The following C14orf93 variants were observed in gnomAD, a reference collection of about 807,000 sequenced individuals.
C14orf93 encodes chromosome 14 open reading frame 93.
C14orf93 carries 23 observed loss-of-function variants against 44.0 expected under a neutral mutation model. That is an observed-to-expected ratio of 0.52 (90% CI 0.38 to 0.74). The LOEUF (loss-of-function observed/expected upper bound fraction) is 0.74, where lower values mean the gene tolerates loss of function less well. C14orf93 is among the 30% of genes least tolerant of loss of function. The pLI is 0.00. For synonymous variants in C14orf93, 253 were observed against 265.7 expected (o/e 0.95, Z 0.46); for missense variants, 579 against 678.9 (o/e 0.85, Z 1.64).
intron 3 of C14orf93, among the ~76,000 whole-genome samples, chr14:22,990,560 C>G (rs2045543074): frequency 6.6e-6 from 1 of 151,484 alleles, no homozygotes; most frequent in African/African-American, 2.4e-5. Flanking sequence ...ACCTCTGCCT[C>G]CCGGGTTCAA....
chr14:22,995,679 CAAAAAAAAAA>C (rs58710730), intron 3 of C14orf93, among the ~76,000 whole-genome samples: 20 of 45,042 alleles, frequency 4.4e-4, no homozygotes, highest in Non-Finnish European at 8.0e-4. Context: ...GACTCTGACT[CAAAAAAAAAA>C]AAAAAAAAAA....
At chr14:23,000,173 T>C (rs887034403) in intron 1 of C14orf93, 1 of 152,118 alleles carries the variant, frequency 6.6e-6, no homozygotes, top group Admixed American at 6.6e-5. Flanking sequence ...TAAACCAAAC[T>C]GCCTTTCTTT....
Position 22,996,325 on chromosome 14 carries a change from A to G in C14orf93, c.598-57T>C. ...CAGCCAGGCTTAGGGGAACCTGGTTAACCATCATTCTTTGGCTAAGAATAG... is the reference window on the plus strand; with the variant it reads ...CAGCCAGGCTTAGGGGAACCTGGTTGACCATCATTCTTTGGCTAAGAATAG... On this transcript the variant is annotated intron_variant, in intron 2 of 6. Coordinates refer to ENST00000299088, the MANE Select transcript of C14orf93 (RefSeq NM_021944.4). This position sits in a 1 kb window ranked among gnomAD's most constrained non-coding sequence, Gnocchi z 4.1. 6.8e-7 allele frequency: 1 copy of G among 1,477,428 alleles called. No individual in the cohort carries two copies. 91.5% of individuals were successfully genotyped at this position (1,477,428 alleles called of 1,614,324 possible).
chr14:22,990,189 G>T, intron 3 of C14orf93, 62 bp from the exon 4 acceptor site: 1 of 1,425,274 alleles, frequency 7.0e-7, no homozygotes, highest in Non-Finnish European at 9.8e-7. Context: ...ACTCTCCTCT[G>T]GTCCCTAGGG....
intron 5 of C14orf93, among the ~76,000 whole-genome samples, chr14:22,989,222 G>T (rs2045437534): frequency 6.6e-6 from 1 of 152,128 alleles, no homozygotes; most frequent in South Asian, 2.1e-4. Context: ...CGAACTCCTG[G>T]ACTGAAATAA....
chr14:22,997,060 T>C (rs946189976), intron 2 of C14orf93, among the ~76,000 whole-genome samples: 1 of 152,134 alleles, frequency 6.6e-6, no homozygotes, highest in African/African-American at 2.4e-5. Context: ...TGAGCTGCTT[T>C]CTGCGCTGTG....
chr14:22,988,614 C>A (rs1175677247), intron 5 of C14orf93, among the ~76,000 whole-genome samples: 2 of 152,188 alleles, frequency 1.3e-5, no homozygotes, highest in Non-Finnish European at 2.9e-5. Flanking sequence ...AGTGATCGTC[C>A]AGCCTCAGCC....
rs1046729521 is a variant in C14orf93, at chr14:23,004,345, G to C, written c.-379-4943C>G. Among the ~76,000 whole-genome samples the C allele has an allele frequency of 8.0e-5, 12 of 150,852 alleles. No individual in the cohort carries two copies. The East Asian group carries it at 2.4e-3, about 30-fold the overall frequency. ...TCTGCCTCAGCCTCCCGAAGAGCTG[G>C]GATTACAGGTATGCACCACCACACC... On this transcript the variant is annotated intron_variant, in intron 1 of 6. Transcript: ENST00000299088.
At position 22,988,102 on chromosome 14, in the gene C14orf93, T is replaced by G; in HGVS notation, c.1085-87A>C. ...GTTTTTCTGCCCTAACACTATTGAA[T>G]GGGAGGTTGGCGATCACTACTTAGA... On this transcript the variant is annotated intron_variant, in intron 5 of 6. Coordinates refer to ENST00000299088, the MANE Select transcript of C14orf93 (RefSeq NM_021944.4). 3 of 850,788 alleles carry G rather than the reference T, an allele frequency of 3.5e-6. No individual in the cohort carries two copies. The South Asian group carries it at 4.4e-5, about 13-fold the overall frequency. 52.7% of individuals were successfully genotyped at this position (850,788 alleles called of 1,614,324 possible).
chr14:22,991,181 T>C (rs977821763), intron 3 of C14orf93, among the ~76,000 whole-genome samples: 2 of 151,184 alleles, frequency 1.3e-5, no homozygotes, highest in South Asian at 2.1e-4. Flanking sequence ...TTTTTTTTTT[T>C]CTTTCTGAGA....
chr14:22,998,028 A>G (rs1265937365), intron 2 of C14orf93: 1 of 175,370 alleles, frequency 5.7e-6, no homozygotes, highest in Non-Finnish European at 1.2e-5. Flanking sequence ...GTACATTCCC[A>G]TCTCTCTTTG....
chr14:23,006,817 C>A (rs3751498), intron 1 of C14orf93: 64,632 of 152,162 alleles, frequency 0.42, 14,701 homozygotes, highest in African/African-American at 0.59. Context: ...GACAGGGTGA[C>A]TCGCCACTGT....
At chr14:22,993,921 C>T (rs2045811871) in intron 3 of C14orf93, 1 of 152,338 alleles carries the variant, frequency 6.6e-6, no homozygotes, top group South Asian at 2.1e-4. Flanking sequence ...AACCCACAGT[C>T]TGCCACAAGA....
rs60483900 is a variant in C14orf93 at position 23,002,124 on chromosome 14, G to A, written c.-379-2722C>T. 9.6e-3 allele frequency among the ~76,000 whole-genome samples: 1,440 copies of A among 149,626 alleles called. 29 individuals are homozygous for A. The highest frequency in any genetic ancestry group is 0.034 in the African/African-American group (1,394 of 40,508). Reference sequence around the variant, plus strand: ...AGATCGCACCACTGCACTCCAGCCTGGGCGACAGAGCGAGATTCCGTCTCA... The same window carrying A: ...AGATCGCACCACTGCACTCCAGCCTAGGCGACAGAGCGAGATTCCGTCTCA... On this transcript the variant is annotated intron_variant, in intron 1 of 6. Transcript: ENST00000299088.
intron 5 of C14orf93, 119 bp from the exon 6 acceptor site, chr14:22,988,134 CTTTTTT>C: frequency 2.2e-6 from 1 of 462,902 alleles, no homozygotes; most frequent in Non-Finnish European, 3.8e-6. Context: ...TAGATGAGGG[CTTTTTT>C]TTTTTTTTTT....
chr14:22,996,407 T>C lies in C14orf93; in HGVS notation c.598-139A>G. 1 of 856,410 alleles carries C rather than the reference T, an allele frequency of 1.2e-6. No individual in the cohort carries two copies. The allele number at this position is 856,410 out of a possible 1,614,324, so 53.1% of individuals were successfully genotyped here. A position where few individuals can be genotyped will look rare whatever the true frequency, so the allele number is the denominator to read the frequency against. ...GCACAGTCTTTAATGGTCAATGGCT[T>C]GTTTCTCTGGGACTCCTATGAGTGT... On this transcript the variant is annotated intron_variant, in intron 2 of 6. Coordinates refer to ENST00000299088, the MANE Select transcript of C14orf93 (RefSeq NM_021944.4). This position sits in a 1 kb window ranked among gnomAD's most constrained non-coding sequence, Gnocchi z 4.1.
At chr14:22,989,875 T>C in intron 4 of C14orf93, 30 bp from the exon 5 acceptor site, 3 of 1,588,928 alleles carry the variant, frequency 1.9e-6, no homozygotes, top group Non-Finnish European at 2.6e-6. Context: ...ATGAATAAAG[T>C]TGTCGGCTTT....
Position 22,996,983 on chromosome 14 carries a change from G to GCA in C14orf93, c.598-717_598-716dup, listed in dbSNP as rs200829885. On this transcript the variant is annotated intron_variant, in intron 2 of 6. Coordinates refer to ENST00000299088, the MANE Select transcript of C14orf93 (RefSeq NM_021944.4). This position sits in a 1 kb window ranked among gnomAD's most constrained non-coding sequence, Gnocchi z 4.1. ...TGAAAGTGGGGACACACACGCACACGCACACACACACACACACACACACAC... is the reference window on the plus strand; with the variant it reads ...TGAAAGTGGGGACACACACGCACACGCACACACACACACACACACACACACAC... Among the ~76,000 whole-genome samples the GCA allele has an allele frequency of 0.13, 7,942 of 62,480 alleles. 490 individuals carry two copies. The highest frequency in any genetic ancestry group is 0.31 in the African/African-American group (6,329 of 20,726). The allele number at this position is 62,480 out of a possible 152,430, so 41.0% of individuals were successfully genotyped here.
chr14:22,987,998 A>G lies in C14orf93; in HGVS notation c.1102T>C (p.Phe368Leu). The G allele has an allele frequency of 6.2e-7, 1 of 1,613,162 alleles. No homozygotes were observed. The change falls in exon 6 of 7, where the codon TTC becomes CTC. Residue 368 changes from phenylalanine (F) to leucine (L), a missense_variant. Coordinates refer to ENST00000299088, the MANE Select transcript of C14orf93 (RefSeq NM_021944.4). This position sits in a 1 kb window ranked among gnomAD's most constrained non-coding sequence, Gnocchi z 5.6. The part of the protein sequence containing the change: ...KELKGACVAY[F>L]LTKRREYRNS... Reference sequence around the variant, plus strand: ...CGGTACTCACGCCTCTTAGTAAGGAAGTAGGCCACACAGGCTCCTGGCGGG... The same window carrying G: ...CGGTACTCACGCCTCTTAGTAAGGAGGTAGGCCACACAGGCTCCTGGCGGG...
Sources: gnomAD v4.1 joint callset for allele counts (sites outside exome capture counted in the v4.1 genomes callset) on GRCh38, gnomAD v4.1.1 for gene constraint, Gnocchi (gnomAD v3.1) non-coding constraint, MANE v1.5 for transcripts, NCBI Gene and HGNC (gene_info 2026-07-23, HGNC 2026-07-21) for gene names.